The following GABRG3 variants were observed in gnomAD, a reference collection of about 807,000 sequenced individuals.
GABRG3 encodes the protein gamma-aminobutyric acid receptor subunit gamma-3.
GABRG3 carries 25 observed loss-of-function variants against 48.8 expected under a neutral mutation model. The ratio of observed to expected loss-of-function variants is 0.51; its 90% CI spans 0.37 to 0.72. The LOEUF (loss-of-function observed/expected upper bound fraction) is 0.72, where lower values mean the gene tolerates loss of function less well. Among genes scored for constraint, GABRG3 ranks in the 30% least tolerant of loss-of-function variants. The pLI, the probability that GABRG3 is intolerant of heterozygous loss-of-function variation, is 0.00. For synonymous variants in GABRG3, 227 were observed against 217.6 expected, an observed-to-expected ratio of 1.04 and a Z score of -0.38; for missense variants, 394 against 577.9, an observed-to-expected ratio of 0.68 and a Z score of 3.26.
intron 5 of GABRG3, among the ~76,000 whole-genome samples, chr15:27,357,469 A>G (rs1227500458): frequency 2.0e-5 from 3 of 152,226 alleles, no homozygotes; most frequent in Non-Finnish European, 4.4e-5. Flanking sequence ...ATCATTATTC[A>G]CTATATTAAA....
intron 3 of GABRG3, among the ~76,000 whole-genome samples, chr15:27,091,057 A>T (rs1897176614): frequency 6.6e-6 from 1 of 152,186 alleles, no homozygotes; most frequent in East Asian, 1.9e-4. Flanking sequence ...AAGAGGGCAT[A>T]CTTGTCTCGT....
At chr15:27,004,115 C>T (rs1418925727) in intron 2 of GABRG3, among the ~76,000 whole-genome samples, 3 of 147,756 alleles carry the variant, frequency 2.0e-5, no homozygotes, top group Non-Finnish European at 4.5e-5. Flanking sequence ...GGCGGCTGGC[C>T]GGGCGGGGGG....
At chr15:27,170,528 C>T (rs1438172088) in intron 3 of GABRG3, among the ~76,000 whole-genome samples, 3 of 151,944 alleles carry the variant, frequency 2.0e-5, no homozygotes, top group African/African-American at 4.8e-5. Flanking sequence ...CAAAAGAAAA[C>T]AAGAGAAGAA....
At chr15:27,378,580 C>G (rs1011437849) in intron 5 of GABRG3, among the ~76,000 whole-genome samples, 4 of 152,056 alleles carry the variant, frequency 2.6e-5, no homozygotes, top group Non-Finnish European at 5.9e-5. Context: ...AGTTTTGCAA[C>G]GAAGTGATCT....
At chr15:27,210,857 C>T (rs1438610900) in intron 3 of GABRG3, among the ~76,000 whole-genome samples, 2 of 152,142 alleles carry the variant, frequency 1.3e-5, no homozygotes, top group Non-Finnish European at 1.5e-5. Context: ...TTAGAGTAGA[C>T]CAGAAGGCCT....
intron 6 of GABRG3, among the ~76,000 whole-genome samples, chr15:27,494,318 A>G (rs1375193463): frequency 6.6e-6 from 1 of 152,154 alleles, no homozygotes; most frequent in Non-Finnish European, 1.5e-5. Context: ...TCTTGTTGAG[A>G]GTTTTTAAAT....
intron 3 of GABRG3, among the ~76,000 whole-genome samples, chr15:27,244,997 T>G (rs1294646806): frequency 1.3e-5 from 2 of 152,168 alleles, no homozygotes. Flanking sequence ...AGTGAAAGTT[T>G]GTGGGGGTTT....
In GABRG3 at chr15:27,180,866, C is replaced by G. The variant is rs1291791862; in HGVS notation, c.271-145943C>G. Among the ~76,000 whole-genome samples, 2 of 152,152 alleles carry G rather than the reference C, an allele frequency of 1.3e-5. No individual in the cohort carries two copies. Among genetic ancestry groups the G allele is most frequent in the Non-Finnish European group, 2.9e-5 (2 of 68,030 alleles). On this transcript the variant is annotated intron_variant, in intron 3 of 9. Transcript: ENST00000615808. The surrounding 1 kb of genome is among the most constrained non-coding windows in gnomAD (Gnocchi z 4.2). ...AGGTCTATCTTATGTCTACTTAAGG[C>G]TGGAGGCTTGGACTAACCAATCTAA...
intron 6 of GABRG3, among the ~76,000 whole-genome samples, chr15:27,492,008 G>T (rs184959057): frequency 2.6e-5 from 4 of 152,224 alleles, no homozygotes; most frequent in Admixed American, 6.5e-5. Flanking sequence ...ATCAAACCAC[G>T]TTGGGGTAAT....
At chr15:27,197,674 G>C (rs530497205) in intron 3 of GABRG3, among the ~76,000 whole-genome samples, 1 of 152,116 alleles carries the variant, frequency 6.6e-6, no homozygotes, top group Non-Finnish European at 1.5e-5. Context: ...CTTAGTTTTA[G>C]AAGGAATGGT....
At chr15:27,133,442 TC>T (rs1897955591) in intron 3 of GABRG3, among the ~76,000 whole-genome samples, 1 of 152,198 alleles carries the variant, frequency 6.6e-6, no homozygotes, top group Non-Finnish European at 1.5e-5. Context: ...CAGAGTGACT[TC>T]CTGTAGCCAT....
intron 5 of GABRG3, among the ~76,000 whole-genome samples, chr15:27,379,506 C>T (rs9672265): frequency 0.37 from 56,106 of 152,028 alleles, 10,680 homozygotes; most frequent in African/African-American, 0.43. Context: ...TCATTCATTC[C>T]TCCTCTAGCG....
intron 5 of GABRG3, among the ~76,000 whole-genome samples, chr15:27,469,949 T>C (rs1239598481): frequency 6.6e-6 from 1 of 152,222 alleles, no homozygotes; most frequent in East Asian, 1.9e-4. Flanking sequence ...CTTCAGTGGG[T>C]AACAGCCTTG....
chr15:27,114,210 C>T (rs1018264385), intron 3 of GABRG3, among the ~76,000 whole-genome samples: 6 of 152,194 alleles, frequency 3.9e-5, no homozygotes, highest in African/African-American at 1.4e-4. Context: ...TCAAAGGTCC[C>T]TGGTTTCCTT....
chr15:27,323,959 C>T (rs892448126), intron 3 of GABRG3, among the ~76,000 whole-genome samples: 1 of 152,188 alleles, frequency 6.6e-6, no homozygotes, highest in Non-Finnish European at 1.5e-5. Context: ...GTGGCACATA[C>T]CACTCTGCTT....
intron 3 of GABRG3, among the ~76,000 whole-genome samples, chr15:27,311,755 TA>T (rs1893001713): frequency 6.6e-6 from 1 of 152,092 alleles, no homozygotes. Flanking sequence ...CAGTATATTC[TA>T]GATGCCTAGG....
intron 3 of GABRG3, among the ~76,000 whole-genome samples, chr15:27,266,882 A>G (rs1890938147): frequency 1.3e-5 from 2 of 152,098 alleles, no homozygotes; most frequent in South Asian, 4.1e-4. Flanking sequence ...TGTATCCTGA[A>G]ACTTTGCTAA....
intron 5 of GABRG3, among the ~76,000 whole-genome samples, chr15:27,370,590 T>C (rs868140796): frequency 2.0e-5 from 3 of 152,170 alleles, no homozygotes; most frequent in African/African-American, 7.2e-5. Flanking sequence ...TGTTTTGCCC[T>C]GGAATCTCAG....
intron 3 of GABRG3, among the ~76,000 whole-genome samples, chr15:27,172,269 T>C (rs934322206): frequency 1.4e-4 from 22 of 152,170 alleles, no homozygotes; most frequent in African/African-American, 5.1e-4. Context: ...GGAAGTGTTA[T>C]GATAAGTGAA....
Sources: gnomAD v4.1 joint callset for allele counts (sites outside exome capture counted in the v4.1 genomes callset) on GRCh38, gnomAD v4.1.1 for gene constraint, Gnocchi (gnomAD v3.1) non-coding constraint, MANE v1.5 for transcripts, NCBI Gene and HGNC (gene_info 2026-07-23, HGNC 2026-07-21) for gene names.